The following INPP5F variants were observed in gnomAD, a reference collection of about 807,000 sequenced individuals.
INPP5F encodes phosphatidylinositide 4-phosphatase SAC2.
Under a neutral mutation model 137.2 loss-of-function variants are expected in INPP5F, and 97 were observed. That is an observed-to-expected ratio of 0.71 (90% CI 0.60 to 0.84). The LOEUF is 0.84. Ranked by LOEUF, INPP5F falls within the 40% of genes least tolerant of loss-of-function variation. The probability of loss-of-function intolerance (pLI) is 0.00; values close to 1 mark genes in which losing one functional copy is unlikely to be tolerated. For missense variants in INPP5F, 1,271 were observed against 1,371.9 expected (o/e 0.93, Z 1.16); for synonymous variants, 504 against 476.9 (o/e 1.06, Z -0.74).
At chr10:119,737,010 A>G (rs548885634) in intron 1 of INPP5F, among the ~76,000 whole-genome samples, 10 of 152,154 alleles carry the variant, frequency 6.6e-5, no homozygotes, top group African/African-American at 2.4e-4. Context: ...AACATTTTTT[A>G]TAGAGACAGA....
intron 2 of INPP5F, among the ~76,000 whole-genome samples, chr10:119,779,997 ATGTAAT>A (rs1315115490): frequency 1.3e-5 from 2 of 152,146 alleles, no homozygotes; most frequent in East Asian, 3.8e-4. Context: ...TTATGTATAG[ATGTAAT>A]TGTATGTTGT....
At position 119,827,176 on chromosome 10, in the gene INPP5F, G is replaced by C. The variant is rs1489857588; in HGVS notation, c.2795G>C (p.Gly932Ala). The change falls in exon 20 of 20, where the codon GGC becomes GCC. Residue 932 changes from glycine to alanine, a missense_variant. Physicochemically the swap from Gly to Ala is moderately conservative, Grantham distance 60 (BLOSUM62 0). This residue lies in a region of INPP5F where 490 missense variants were observed against 443.7 expected (regional missense o/e 1.10). Coordinates refer to ENST00000650623, the MANE Select transcript of INPP5F (RefSeq NM_014937.4). ...TVAHGSGLGKGQESPLKKSPS... is the reference protein window; with the variant it reads ...TVAHGSGLGKAQESPLKKSPS... The stretch of plus-strand genomic sequence containing the variant: ...GCTCATGGGAGTGGGCTTGGAAAAG[G>C]CCAGGAGTCTCCTTTGAAGAAAAGT... The C allele has an allele frequency of 1.2e-6, 2 of 1,613,940 alleles. No individual in the cohort carries two copies. Among genetic ancestry groups the C allele is most frequent in the African/African-American group, 2.7e-5 (2 of 74,926 alleles).
At chr10:119,727,824 T>A (rs1847936548) in intron 1 of INPP5F, among the ~76,000 whole-genome samples, 1 of 152,236 alleles carries the variant, frequency 6.6e-6, no homozygotes, top group Admixed American at 6.5e-5. Flanking sequence ...TTTGTCTGGC[T>A]TTCTCCCCTT....
intron 1 of INPP5F, among the ~76,000 whole-genome samples, chr10:119,732,490 TTTC>T (rs1848103891): frequency 1.5e-5 from 2 of 129,564 alleles, no homozygotes; most frequent in Non-Finnish European, 3.4e-5. Context: ...ACTTTTCTTT[TTTC>T]TTTTTTCTTT....
At position 119,827,631 on chromosome 10, in the gene INPP5F, A is replaced by G. The variant is rs1564860468; in HGVS notation, c.3250A>G (p.Ile1084Val). Residue 1084 changes from isoleucine to valine, a missense_variant, in exon 20 of 20, where the codon ATT (isoleucine) becomes GTT (valine). By Grantham distance (29) the Ile-to-Val change is conservative. Transcript: ENST00000650623. ...IRSSMVQVAS[I>V]TQAGLTHGIN... is the part of the protein sequence containing the mutation. ...AAGTTCCATGGTCCAGGTTGCTAGT[A>G]TTACCCAAGCTGGATTAACCCATGG... 6.2e-7 allele frequency: 1 copy of G among 1,614,170 alleles called. No individual in the cohort carries two copies. The highest frequency in any genetic ancestry group is 1.1e-5 in the South Asian group (1 of 91,086).
At chr10:119,782,754 C>A (rs1849750714) in intron 3 of INPP5F, among the ~76,000 whole-genome samples, 1 of 152,144 alleles carries the variant, frequency 6.6e-6, no homozygotes, top group Admixed American at 6.5e-5. Flanking sequence ...GAGGTGGGGC[C>A]TGGATCTAGA....
intron 1 of INPP5F, among the ~76,000 whole-genome samples, chr10:119,734,380 T>A (rs963355121): frequency 6.6e-5 from 10 of 152,264 alleles, no homozygotes; most frequent in African/African-American, 2.4e-4. Context: ...ATGAATGCAT[T>A]ATCCAAGGAT....
intron 15 of INPP5F, among the ~76,000 whole-genome samples, chr10:119,812,185 G>A (rs1564846977): frequency 6.6e-6 from 1 of 152,188 alleles, no homozygotes; most frequent in Non-Finnish European, 1.5e-5. Context: ...TGCAGTATTT[G>A]ATTAAACAAA....
At chr10:119,782,806 C>T in intron 3 of INPP5F, among the ~76,000 whole-genome samples, 1 of 152,156 alleles carries the variant, frequency 6.6e-6, no homozygotes, top group Non-Finnish European at 1.5e-5. Context: ...GAGCTGCCGC[C>T]CTGTTACCTG....
chr10:119,726,195 C>T lies in INPP5F; in HGVS notation c.-68C>T. ...CTCCCCGAGGCGCGGGCTCTGGCGG[C>T]CTCGACCGACTAGGACGCCCCGTGC... On this transcript the variant is annotated 5_prime_UTR_variant, in exon 1 of 20. Transcript: ENST00000650623. The T allele has an allele frequency of 9.7e-7, 1 of 1,028,608 alleles. No individual in the cohort carries two copies. The highest frequency in any genetic ancestry group is 1.3e-6 in the Non-Finnish European group (1 of 776,684). The allele number at this position is 1,028,608 out of a possible 1,614,324, so 63.7% of individuals were successfully genotyped here.
At chr10:119,731,033 C>T (rs1039164740) in intron 1 of INPP5F, among the ~76,000 whole-genome samples, 12 of 152,042 alleles carry the variant, frequency 7.9e-5, no homozygotes, top group Non-Finnish European at 1.0e-4. Flanking sequence ...GTGATCCGCC[C>T]GCCTCTGCCT....
chr10:119,755,953 C>A (rs753556091), intron 2 of INPP5F, among the ~76,000 whole-genome samples: 1 of 152,018 alleles, frequency 6.6e-6, no homozygotes, highest in Middle Eastern at 3.4e-3. Context: ...GTCAGGAGTT[C>A]GAGGCCAGCC....
intron 2 of INPP5F, among the ~76,000 whole-genome samples, chr10:119,763,688 T>G (rs1849072199): frequency 2.0e-5 from 3 of 152,240 alleles, no homozygotes; most frequent in South Asian, 4.1e-4. Context: ...ACGGGCCTTT[T>G]TAAAAATTTC....
At position 119,817,974 on chromosome 10, in the gene INPP5F, C is replaced by T. The variant is rs954443914; in HGVS notation, c.1887-2872C>T. ...AATATCTGGTGGAAAAACAGGCAAG[C>T]ATTCTGGAAATGCGCAGTCCCAGCA... is the stretch of plus-strand genomic sequence containing the variant. On this transcript the variant is annotated intron_variant, in intron 15 of 19. Coordinates refer to ENST00000650623, the MANE Select transcript of INPP5F (RefSeq NM_014937.4). Among the ~76,000 whole-genome samples the T allele has an allele frequency of 3.3e-5, 5 of 152,226 alleles. No homozygotes were observed. The South Asian group carries it at 8.3e-4, about 25-fold the overall frequency.
chr10:119,783,828 C>T (rs538340517), intron 3 of INPP5F, among the ~76,000 whole-genome samples: 6 of 152,224 alleles, frequency 3.9e-5, no homozygotes, highest in South Asian at 2.1e-4. Context: ...TATAAACTAC[C>T]GTACTTCTCA....
At chr10:119,749,137 A>G (rs1848622012) in intron 1 of INPP5F, among the ~76,000 whole-genome samples, 2 of 152,200 alleles carry the variant, frequency 1.3e-5, no homozygotes, top group Non-Finnish European at 1.5e-5. Context: ...GAGCAGGGAG[A>G]GAGGCCAGGG....
At chr10:119,819,559 A>T (rs747878351) in intron 15 of INPP5F, 1 of 1,583,346 alleles carries the variant, frequency 6.3e-7, no homozygotes, top group Admixed American at 1.7e-5. Flanking sequence ...AACGCGTAAA[A>T]CTTAACATTT....
At chr10:119,821,940 C>T (rs1851584794) in intron 16 of INPP5F, among the ~76,000 whole-genome samples, 1 of 138,040 alleles carries the variant, frequency 7.2e-6, no homozygotes, top group South Asian at 2.5e-4. Flanking sequence ...ATGATCTCTG[C>T]TCACTGCAAC....
chr10:119,806,885 C>T (rs534830757), intron 12 of INPP5F, among the ~76,000 whole-genome samples: 2 of 151,354 alleles, frequency 1.3e-5, no homozygotes, highest in African/African-American at 4.9e-5. Context: ...ACGGGAGGAA[C>T]ACAGGTGAAG....
Sources: allele counts gnomAD v4.1 joint callset (sites outside exome capture counted in the v4.1 genomes callset), GRCh38; gene constraint gnomAD v4.1.1; regional missense constraint gnomAD v4.1.1; transcripts MANE v1.5; gene names NCBI Gene and HGNC (gene_info 2026-07-23, HGNC 2026-07-21).